ASTN1: variants seen among roughly 807,000 people sequenced by gnomAD.
ASTN1 encodes the protein astrotactin 1, also known as astrotactin-1.
ASTN1 carries 41 observed loss-of-function variants against 140.7 expected under a neutral mutation model. The ratio of observed to expected loss-of-function variants is 0.29; its 90% CI spans 0.23 to 0.38. The LOEUF (loss-of-function observed/expected upper bound fraction) is 0.38. ASTN1 is among the 10% of genes least tolerant of loss of function. ASTN1 has a pLI of 1.00. For missense variants in ASTN1, 1,479 were observed against 1,678.8 expected (o/e 0.88, Z 2.08); for synonymous variants, 640 against 652.2 (o/e 0.98, Z 0.29).
intron 16 of ASTN1, among the ~76,000 whole-genome samples, chr1:176,927,199 A>G (rs1383019388): frequency 6.6e-6 from 1 of 152,192 alleles, no homozygotes; most frequent in African/African-American, 2.4e-5. Flanking sequence ...CCTGATGGGA[A>G]GGAAGCAACT....
intron 15 of ASTN1, among the ~76,000 whole-genome samples, chr1:176,935,364 C>T (rs1239328249): frequency 6.6e-6 from 1 of 152,166 alleles, no homozygotes. Flanking sequence ...AGTAAAGTCT[C>T]TAATATCGTA....
In ASTN1 at chr1:176,958,366, A is replaced by T; in HGVS notation, c.1715T>A (p.Met572Lys). The change falls in exon 10 of 23, where the codon ATG becomes AAG. Residue 572 changes from methionine to lysine, a missense_variant. Coordinates refer to ENST00000361833, the MANE Select transcript of ASTN1 (RefSeq NM_004319.3). Reference protein sequence around the residue: ...SAKCKTDMTVMEDAVEVREEL... With the variant: ...SAKCKTDMTVKEDAVEVREEL... ...TCACCTGACCTCCACAGCATCCTCCATCACAGTCATGTCCGTCTTGCACTT... is the reference window on the plus strand; with the variant it reads ...TCACCTGACCTCCACAGCATCCTCCTTCACAGTCATGTCCGTCTTGCACTT... The T allele has an allele frequency of 1.2e-6, 2 of 1,613,990 alleles. No individual in the cohort carries two copies. Among genetic ancestry groups the T allele is most frequent in the Non-Finnish European group, 1.7e-6 (2 of 1,179,912 alleles).
intron 1 of ASTN1, among the ~76,000 whole-genome samples, chr1:177,111,288 C>G (rs758783021): frequency 6.6e-5 from 10 of 152,100 alleles, no homozygotes; most frequent in East Asian, 1.9e-4. Context: ...AGGACTAATT[C>G]CAAAGACTGT....
intron 16 of ASTN1, among the ~76,000 whole-genome samples, chr1:176,899,880 T>A (rs1356251933): frequency 1.3e-5 from 2 of 152,134 alleles, no homozygotes; most frequent in East Asian, 3.9e-4. Context: ...TAAAACACAA[T>A]GCAATGGATT....
At chr1:176,912,852 T>C (rs1670306892) in intron 16 of ASTN1, among the ~76,000 whole-genome samples, 1 of 152,222 alleles carries the variant, frequency 6.6e-6, no homozygotes, top group Non-Finnish European at 1.5e-5. Flanking sequence ...CTGCGATTAC[T>C]ACATTCTCTG....
intron 16 of ASTN1, among the ~76,000 whole-genome samples, chr1:176,915,754 G>T (rs1314352280): frequency 1.3e-5 from 2 of 152,200 alleles, no homozygotes; most frequent in Admixed American, 6.5e-5. Context: ...GTGATGCGGG[G>T]AGGAGAGGGA....
chr1:176,987,703 C>A (rs767712984), intron 8 of ASTN1, among the ~76,000 whole-genome samples: 29 of 152,212 alleles, frequency 1.9e-4, no homozygotes, highest in Non-Finnish European at 3.8e-4. Flanking sequence ...AATTAATTCC[C>A]AGGCTCTTTC....
At chr1:176,962,175 A>G (rs1426355103) in intron 9 of ASTN1, among the ~76,000 whole-genome samples, 1 of 152,176 alleles carries the variant, frequency 6.6e-6, no homozygotes, top group East Asian at 1.9e-4. Context: ...TTTGGTCTGT[A>G]CCAATCCCTA....
intron 1 of ASTN1, among the ~76,000 whole-genome samples, chr1:177,147,069 T>C (rs750918302): frequency 2.4e-4 from 36 of 152,156 alleles, no homozygotes; most frequent in Admixed American, 6.5e-4. Context: ...TGGTGAAAAG[T>C]ACAATGACTG....
At chr1:177,164,358 GC>G (rs751292418) in intron 1 of ASTN1, 35 bp downstream of exon 1, 2 of 1,529,410 alleles carry the variant, frequency 1.3e-6, no homozygotes, top group African/African-American at 1.4e-5. Context: ...CGCCGGTCCA[GC>G]GCCTCCGGCC....
At chr1:177,110,821 T>C (rs767082499) in intron 1 of ASTN1, among the ~76,000 whole-genome samples, 11 of 152,182 alleles carry the variant, frequency 7.2e-5, no homozygotes, top group Non-Finnish European at 1.5e-4. Context: ...AGGTCCACTG[T>C]AGAAAAAAGA....
intron 8 of ASTN1, among the ~76,000 whole-genome samples, chr1:177,000,626 T>C (rs1674681325): frequency 6.6e-6 from 1 of 152,230 alleles, no homozygotes; most frequent in South Asian, 2.1e-4. Context: ...ACAAAGGTAC[T>C]ATATATGGCA....
At chr1:177,148,981 A>G (rs1238589120) in intron 1 of ASTN1, among the ~76,000 whole-genome samples, 1 of 148,010 alleles carries the variant, frequency 6.8e-6, no homozygotes, top group Admixed American at 6.9e-5. Flanking sequence ...ATATCTAGGA[A>G]AAAGAGGAAG....
At chr1:177,147,801 T>G (rs910034152) in intron 1 of ASTN1, among the ~76,000 whole-genome samples, 3 of 152,144 alleles carry the variant, frequency 2.0e-5, no homozygotes, top group Non-Finnish European at 4.4e-5. Flanking sequence ...TAGGCCTAAG[T>G]CAACTCATGC....
chr1:176,958,376 T>G lies in ASTN1; in HGVS notation c.1705A>C (p.Met569Leu), dbSNP rs756372711. Residue 569 changes from methionine to leucine, a missense_variant, in exon 10 of 23, where the codon ATG becomes CTG. Met to Leu is a conservative substitution (Grantham distance 15). This residue lies in a region of ASTN1 where 729 missense variants were observed against 860.4 expected (regional missense o/e 0.85). Transcript: ENST00000361833. ...TCCACAGCATCCTCCATCACAGTCATGTCCGTCTTGCACTTTGCTGATGGA... is the reference window on the plus strand; with the variant it reads ...TCCACAGCATCCTCCATCACAGTCAGGTCCGTCTTGCACTTTGCTGATGGA... The part of the protein sequence containing the change: ...INPSAKCKTD[M>L]TVMEDAVEVR... The G allele has an allele frequency of 1.9e-6, 3 of 1,613,998 alleles. No individual in the cohort carries two copies. Among genetic ancestry groups the G allele is most frequent in the Admixed American group, 1.7e-5 (1 of 60,000 alleles).
At chr1:177,096,325 T>A (rs995812629) in intron 1 of ASTN1, among the ~76,000 whole-genome samples, 1 of 152,156 alleles carries the variant, frequency 6.6e-6, no homozygotes, top group Non-Finnish European at 1.5e-5. Flanking sequence ...TGAATGCATT[T>A]TTCATGCAAG....
intron 21 of ASTN1, among the ~76,000 whole-genome samples, chr1:176,875,515 C>T (rs1668524875): frequency 2.6e-5 from 4 of 152,114 alleles, no homozygotes; most frequent in African/African-American, 7.2e-5. Context: ...TTGCATAGTG[C>T]TACAATATTA....
chr1:176,957,939 T>A, intron 10 of ASTN1, 111 bp from the exon 11 acceptor site: 1 of 1,322,324 alleles, frequency 7.6e-7, no homozygotes, highest in African/African-American at 1.5e-5. Flanking sequence ...TCTCACTCTG[T>A]CTTATAAAAA....
intron 1 of ASTN1, among the ~76,000 whole-genome samples, chr1:177,161,745 GT>G (rs1004268658): frequency 5.3e-5 from 8 of 151,958 alleles, no homozygotes; most frequent in Admixed American, 1.3e-4. Context: ...TGTTTTTCTT[GT>G]TGTTTGTAAT....
Sources: allele counts gnomAD v4.1 joint callset (sites outside exome capture counted in the v4.1 genomes callset), GRCh38; gene constraint gnomAD v4.1.1; regional missense constraint gnomAD v4.1.1; transcripts MANE v1.5; gene names NCBI Gene and HGNC (gene_info 2026-07-23, HGNC 2026-07-21).